CACNA1C: variants seen among roughly 807,000 people sequenced by gnomAD.
CACNA1C encodes voltage-dependent L-type calcium channel subunit alpha-1C.
CACNA1C carries 30 observed loss-of-function variants against 229.0 expected under a neutral mutation model. That is an observed-to-expected ratio of 0.13 (90% CI 0.10 to 0.18). The LOEUF (loss-of-function observed/expected upper bound fraction) is 0.18. Ranked by LOEUF, CACNA1C falls within the 10% of genes least tolerant of loss-of-function variation. The pLI is 1.00. For synonymous variants in CACNA1C, 1,114 were observed against 1,132.5 expected, an observed-to-expected ratio of 0.98 and a Z score of 0.33; for missense variants, 1,658 against 2,845.0, an observed-to-expected ratio of 0.58 and a Z score of 9.49.
intron 2 of CACNA1C, 109 bp from the exon 3 acceptor site, chr12:2,120,216 G>A (rs2085948501): frequency 1.3e-6 from 1 of 749,086 alleles, no homozygotes; most frequent in African/African-American, 1.7e-5. Flanking sequence ...GGAATGCATT[G>A]TTTAAACAAA....
chr12:2,308,257 T>A (rs979545518), intron 3 of CACNA1C, among the ~76,000 whole-genome samples: 4 of 152,110 alleles, frequency 2.6e-5, no homozygotes, highest in Non-Finnish European at 5.9e-5. Flanking sequence ...CTTTTTAAAA[T>A]TTTTTTTGTT....
rs1332382896 is a variant in CACNA1C at position 2,369,696 on chromosome 12, G to A, written c.478-79280G>A. Among the ~76,000 whole-genome samples, 9 of 152,204 alleles carry A rather than the reference G, an allele frequency of 5.9e-5. No homozygotes were observed. The East Asian group carries it at 1.4e-3, about 23-fold the overall frequency. On this transcript the variant is annotated intron_variant, in intron 3 of 46. Transcript: ENST00000399655. ...TGGGATTACAGGTGTGAGCCACCAC[G>A]CCCAGCCTACATACCTATCTTATAC... is the stretch of plus-strand genomic sequence containing the variant.
intron 1 of CACNA1C, among the ~76,000 whole-genome samples, chr12:2,073,806 C>G (rs1056668139): frequency 1.3e-5 from 2 of 152,072 alleles, no homozygotes; most frequent in Admixed American, 1.3e-4. Context: ...ATGATTTTGC[C>G]CAGCCTATGA....
chr12:2,301,870 A>G (rs192229088), intron 3 of CACNA1C, among the ~76,000 whole-genome samples: 1 of 152,230 alleles, frequency 6.6e-6, no homozygotes, highest in East Asian at 1.9e-4. Context: ...AATGTTCCTT[A>G]GTTGTTAACC....
At position 2,610,795 on chromosome 12, in the gene CACNA1C, C is replaced by G; in HGVS notation, c.3717+96C>G. The G allele has an allele frequency of 7.3e-6, 9 of 1,230,124 alleles. No homozygotes were observed. In the South Asian group the frequency reaches 1.2e-4, roughly 16 times the overall value. 76.2% of individuals were successfully genotyped at this position (1,230,124 alleles called of 1,614,324 possible). A position where few individuals can be genotyped will look rare whatever the true frequency, so the allele number is the denominator to read the frequency against. On this transcript the variant is annotated intron_variant, in intron 28 of 46. Transcript: ENST00000399655. Reference sequence around the variant, plus strand: ...GAGCGGCAGGCAGCTCAGTGCATCGCTTTCCTGGTCACCAAGGGAGGCATT... The same window carrying G: ...GAGCGGCAGGCAGCTCAGTGCATCGGTTTCCTGGTCACCAAGGGAGGCATT...
chr12:2,205,765 G>T lies in CACNA1C; in HGVS notation c.477+85335G>T, dbSNP rs143490603. Among the ~76,000 whole-genome samples, 361 of 152,324 alleles carry T rather than the reference G, an allele frequency of 2.4e-3. 3 individuals are homozygous for T. The highest frequency in any genetic ancestry group is 8.4e-3 in the African/African-American group (349 of 41,574). ...GTGGGGGGACTACAAAGACGGAAATGTATTTCTCACAGACCTGGAGGCTGG... is the reference window on the plus strand; with the variant it reads ...GTGGGGGGACTACAAAGACGGAAATTTATTTCTCACAGACCTGGAGGCTGG... On this transcript the variant is annotated intron_variant, in intron 3 of 46. Coordinates refer to ENST00000399655, the MANE Select transcript of CACNA1C (RefSeq NM_000719.7).
chr12:2,221,748 A>G (rs190826753), intron 3 of CACNA1C: 2 of 152,334 alleles, frequency 1.3e-5, no homozygotes, highest in East Asian at 3.9e-4. Flanking sequence ...TGTTCATTGT[A>G]GTCTTATTTG....
At chr12:1,993,017 T>C (rs2039840295) in intron 1 of CACNA1C, 6 of 647,394 alleles carry the variant, frequency 9.3e-6, no homozygotes, top group Non-Finnish European at 1.6e-5. Context: ...ACACTACAAA[T>C]CCATAAAGCT....
chr12:2,026,975 T>C (rs1254864920), intron 1 of CACNA1C, among the ~76,000 whole-genome samples: 1 of 152,178 alleles, frequency 6.6e-6, no homozygotes, highest in Non-Finnish European at 1.5e-5. Context: ...GTTTTGTGGG[T>C]TGAAAAAAAA....
chr12:2,138,038 G>A lies in CACNA1C; in HGVS notation c.477+17608G>A, dbSNP rs182166623. On this transcript the variant is annotated intron_variant, in intron 3 of 46. Transcript: ENST00000399655. ...AGCGAGTGTAGCTGCTGAGTAGTTCGTTTGGTGCTGTCCTGTGACTTGCAA... is the reference window on the plus strand; with the variant it reads ...AGCGAGTGTAGCTGCTGAGTAGTTCATTTGGTGCTGTCCTGTGACTTGCAA... Among the ~76,000 whole-genome samples, 184 of 151,666 alleles carry A rather than the reference G, an allele frequency of 1.2e-3. 1 individual carries two copies. Among genetic ancestry groups the A allele is most frequent in the African/African-American group, 3.5e-3 (147 of 41,520 alleles).
intron 3 of CACNA1C, among the ~76,000 whole-genome samples, chr12:2,369,490 C>G (rs973169600): frequency 3.7e-4 from 57 of 152,140 alleles, no homozygotes; most frequent in African/African-American, 1.1e-3. Flanking sequence ...CCCCCACCTC[C>G]CGGGTTCAAG....
At position 2,223,995 on chromosome 12, in the gene CACNA1C, C is replaced by T. The variant is rs568948694; in HGVS notation, c.477+103565C>T. Among the ~76,000 whole-genome samples, 14 of 152,244 alleles carry T rather than the reference C, an allele frequency of 9.2e-5. No homozygotes were observed. The East Asian group carries it at 1.7e-3, about 19-fold the overall frequency. On this transcript the variant is annotated intron_variant, in intron 3 of 46. Transcript: ENST00000399655. Reference sequence around the variant, plus strand: ...ACAAAATCCCATCGGAGTTTAAAGACGGGAGAGAATACCTCTGGAGAAATC... The same window carrying T: ...ACAAAATCCCATCGGAGTTTAAAGATGGGAGAGAATACCTCTGGAGAAATC...
rs2074746448 is a variant in CACNA1C, at chr12:2,605,256, T to C, written c.3048+88T>C. ...AGGTGAGGGGTGGGTTGGAAGGAGA[T>C]GATGGTCAGACCAAGTGGCTGCCAT... On this transcript the variant is annotated intron_variant, in intron 23 of 46. Coordinates refer to ENST00000399655, the MANE Select transcript of CACNA1C (RefSeq NM_000719.7). This position sits in a 1 kb window ranked among gnomAD's most constrained non-coding sequence, Gnocchi z 6.2. 4 of 918,100 alleles carry C rather than the reference T, an allele frequency of 4.4e-6. No individual in the cohort carries two copies. Among genetic ancestry groups the C allele is most frequent in the South Asian group, 4.2e-5 (3 of 70,912 alleles). The allele number at this position is 918,100 out of a possible 1,614,324, so 56.9% of individuals were successfully genotyped here.
chr12:1,973,672 T>C (rs2033296587), intron 1 of CACNA1C, among the ~76,000 whole-genome samples: 1 of 152,246 alleles, frequency 6.6e-6, no homozygotes, highest in Non-Finnish European at 1.5e-5. Context: ...CATCGTATAC[T>C]AATTTCCTAG....
intron 1 of CACNA1C, among the ~76,000 whole-genome samples, chr12:2,005,736 C>T: frequency 6.6e-6 from 1 of 152,118 alleles, no homozygotes; most frequent in East Asian, 1.9e-4. Context: ...TCCAAAAGAC[C>T]AATGTCTCAT....
intron 34 of CACNA1C, chr12:2,659,855 G>A (rs1272700104): frequency 6.6e-6 from 1 of 151,726 alleles, no homozygotes; most frequent in East Asian, 1.9e-4. Flanking sequence ...CATAATTACA[G>A]ATGTGGAAGT....
At chr12:2,066,960 T>C (rs572216117) in intron 1 of CACNA1C, among the ~76,000 whole-genome samples, 6 of 151,966 alleles carry the variant, frequency 3.9e-5, no homozygotes, top group African/African-American at 1.4e-4. Flanking sequence ...GAGGGAACGG[T>C]CAGTGGGAAA....
At chr12:2,525,351 G>A (rs962988996) in intron 9 of CACNA1C, among the ~76,000 whole-genome samples, 8 of 152,152 alleles carry the variant, frequency 5.3e-5, no homozygotes, top group African/African-American at 1.9e-4. Flanking sequence ...GCATCCACTG[G>A]GATAGGGTCC....
At chr12:2,093,567 G>C (rs1595662796) in intron 1 of CACNA1C, among the ~76,000 whole-genome samples, 1 of 152,214 alleles carries the variant, frequency 6.6e-6, no homozygotes. Flanking sequence ...CTGCGTGCAT[G>C]TACTCAAGGG....
Sources: allele counts gnomAD v4.1 joint callset (sites outside exome capture counted in the v4.1 genomes callset), GRCh38; gene constraint gnomAD v4.1.1; non-coding constraint Gnocchi (gnomAD v3.1); transcripts MANE v1.5; gene names NCBI Gene and HGNC (gene_info 2026-07-23, HGNC 2026-07-21).